CALN1: variants seen among roughly 807,000 people sequenced by gnomAD.
CALN1 encodes calcium-binding protein 8.
A neutral mutation model predicts 30.6 loss-of-function variants in CALN1; 17 were observed. That is an observed-to-expected ratio of 0.56 (90% CI 0.38 to 0.83). The LOEUF (loss-of-function observed/expected upper bound fraction) is 0.83. Among genes scored for constraint, CALN1 ranks in the 40% least tolerant of loss-of-function variants. CALN1 has a pLI of 0.00. For synonymous variants in CALN1, 156 were observed against 131.4 expected (o/e 1.19, Z -1.28); for missense variants, 291 against 354.9 (o/e 0.82, Z 1.45).
At chr7:72,009,686 TC>T (rs1799960794) in intron 5 of CALN1, among the ~76,000 whole-genome samples, 1 of 152,288 alleles carries the variant, frequency 6.6e-6, no homozygotes. Context: ...AGGGGTGGTT[TC>T]CCCCATACTG....
intron 2 of CALN1, among the ~76,000 whole-genome samples, chr7:72,397,213 T>C (rs577703278): frequency 6.6e-6 from 1 of 152,040 alleles, no homozygotes; most frequent in Non-Finnish European, 1.5e-5. Context: ...ACTCAACCCA[T>C]GTAGGATTTT....
At chr7:72,215,080 C>A (rs375242501) in intron 3 of CALN1, among the ~76,000 whole-genome samples, 7 of 152,092 alleles carry the variant, frequency 4.6e-5, no homozygotes, top group African/African-American at 1.7e-4. Flanking sequence ...CATCCCAAAA[C>A]CATCCGACAT....
intron 2 of CALN1, among the ~76,000 whole-genome samples, chr7:72,389,119 T>C (rs6460721): frequency 0.086 from 13,075 of 152,170 alleles, 1,565 homozygotes; most frequent in African/African-American, 0.27. Context: ...TTGCAAGCAG[T>C]ATTCTGAGCA....
intron 2 of CALN1, among the ~76,000 whole-genome samples, chr7:72,377,649 G>C (rs1363278265): frequency 6.6e-6 from 1 of 152,056 alleles, no homozygotes. Flanking sequence ...TGTATTATTT[G>C]TCGTATGTGG....
chr7:72,375,201 T>C (rs951461377), intron 2 of CALN1, among the ~76,000 whole-genome samples: 5 of 152,186 alleles, frequency 3.3e-5, no homozygotes, highest in African/African-American at 1.2e-4. Flanking sequence ...GGCTCTTTTC[T>C]CACGGTCTCA....
chr7:72,483,609 G>A, the CALN1 span, among the ~76,000 whole-genome samples: 1 of 152,098 alleles, frequency 6.6e-6, no homozygotes, highest in Non-Finnish European at 1.5e-5. Flanking sequence ...CTTGTGCCTT[G>A]AGTTTATTGA....
chr7:72,317,811 A>G (rs1276138256), intron 2 of CALN1, among the ~76,000 whole-genome samples: 1 of 152,170 alleles, frequency 6.6e-6, no homozygotes, highest in Non-Finnish European at 1.5e-5. Flanking sequence ...CGGCCCCAGA[A>G]TTGGAGGCTC....
At chr7:72,138,621 A>T (rs1419514937) in intron 3 of CALN1, among the ~76,000 whole-genome samples, 2 of 152,350 alleles carry the variant, frequency 1.3e-5, no homozygotes, top group East Asian at 3.9e-4. Flanking sequence ...TGAGTTAGCT[A>T]ATCTTCAAAG....
chr7:72,463,954 A>G, the CALN1 span, among the ~76,000 whole-genome samples: 1 of 96,808 alleles, frequency 1.0e-5, no homozygotes, highest in East Asian at 5.5e-4. Context: ...AAGTGAGAGA[A>G]GGAAGGAAGG....
At chr7:71,942,663 G>T (rs1048207770) in intron 5 of CALN1, among the ~76,000 whole-genome samples, 1 of 152,146 alleles carries the variant, frequency 6.6e-6, no homozygotes, top group African/African-American at 2.4e-5. Context: ...GCTCTGTGGC[G>T]ATCCATCAAC....
At chr7:72,150,684 C>T (rs1416608360) in intron 3 of CALN1, among the ~76,000 whole-genome samples, 1 of 152,176 alleles carries the variant, frequency 6.6e-6, no homozygotes, top group Non-Finnish European at 1.5e-5. Flanking sequence ...TACATTGGGC[C>T]TCTCCACCTA....
the CALN1 span, among the ~76,000 whole-genome samples, chr7:72,460,707 A>T: frequency 1.3e-5 from 2 of 152,176 alleles, no homozygotes; most frequent in Admixed American, 1.3e-4. Flanking sequence ...CATGGGATAC[A>T]TTGTATACAT....
chr7:72,399,339 T>C (rs2129561903), intron 2 of CALN1, among the ~76,000 whole-genome samples: 2 of 149,424 alleles, frequency 1.3e-5, no homozygotes, highest in African/African-American at 4.9e-5. Flanking sequence ...GGCGCGATCT[T>C]GGCTCACTGC....
chr7:72,171,541 A>C (rs1283192975), intron 3 of CALN1, among the ~76,000 whole-genome samples: 1 of 152,230 alleles, frequency 6.6e-6, no homozygotes, highest in East Asian at 1.9e-4. Flanking sequence ...ATGAACAAAT[A>C]AATCAATGAA....
chr7:71,818,591 A>G (rs186585994), intron 5 of CALN1, among the ~76,000 whole-genome samples: 32 of 152,156 alleles, frequency 2.1e-4, no homozygotes, highest in Non-Finnish European at 3.7e-4. Flanking sequence ...GCTGGACTTG[A>G]ATTCCTGTGC....
intron 2 of CALN1, among the ~76,000 whole-genome samples, chr7:72,334,193 G>A (rs1349644628): frequency 2.0e-5 from 3 of 152,146 alleles, no homozygotes; most frequent in Admixed American, 6.5e-5. Context: ...GAGGGTCTCC[G>A]AAGGCTTTAA....
At chr7:72,292,343 C>T (rs569279046) in intron 2 of CALN1, among the ~76,000 whole-genome samples, 6 of 151,494 alleles carry the variant, frequency 4.0e-5, no homozygotes, top group South Asian at 4.2e-4. Context: ...CAGCAGAGAG[C>T]GCTCTGGTCT....
the CALN1 span, among the ~76,000 whole-genome samples, chr7:72,480,890 C>A: frequency 1.3e-5 from 2 of 152,100 alleles, no homozygotes; most frequent in African/African-American, 4.8e-5. Flanking sequence ...TCACCTCTCT[C>A]ATTCCTGATA....
At chr7:72,352,996 A>G (rs1309210468) in intron 2 of CALN1, among the ~76,000 whole-genome samples, 1 of 152,210 alleles carries the variant, frequency 6.6e-6, no homozygotes, top group African/African-American at 2.4e-5. Flanking sequence ...TAAACAAAAG[A>G]GAAAAATTCT....
Sources: allele counts gnomAD v4.1 joint callset (sites outside exome capture counted in the v4.1 genomes callset), GRCh38; gene constraint gnomAD v4.1.1; transcripts MANE v1.5; gene names NCBI Gene and HGNC (gene_info 2026-07-23, HGNC 2026-07-21).